ECEL1: variants seen among roughly 807,000 people sequenced by gnomAD.
ECEL1 encodes endothelin-converting enzyme-like 1.
ECEL1 carries 87 observed loss-of-function variants against 101.8 expected under a neutral mutation model. The ratio of observed to expected loss-of-function variants is 0.85; its 90% CI spans 0.72 to 1.02. The LOEUF is 1.02. ECEL1 is among the 50% of genes least tolerant of loss of function. ECEL1 has a pLI of 0.00. For synonymous variants in ECEL1, 487 were observed against 468.7 expected (o/e 1.04, Z -0.50); for missense variants, 1,032 against 1,079.2 (o/e 0.96, Z 0.61).
At chr2:232,480,901 C>T in intron 15 of ECEL1, 88 bp from the exon 16 acceptor site, 1 of 1,418,040 alleles carries the variant, frequency 7.1e-7, no homozygotes, top group Admixed American at 2.1e-5. Context: ...GCCCTCCCTG[C>T]TCTCCCTGTG....
At position 232,484,523 on chromosome 2, in the gene ECEL1, G is replaced by T. The variant is rs369255583; in HGVS notation, c.1133C>A (p.Ala378Glu). 1 of 1,613,920 alleles carries T rather than the reference G, an allele frequency of 6.2e-7. No individual in the cohort carries two copies. The highest frequency in any genetic ancestry group is 1.7e-5 in the Admixed American group (1 of 60,024). ...FSEEEEVVLL[A>E]TDYMQQVSQL... ...CGACACCTGCTGCATGTAGTCTGTC[G>T]CCAGCAGCACCACCTCCTCTTCCTC... The change falls in exon 6 of 18, where the codon GCG becomes GAG. Residue 378 changes from alanine to glutamate, a missense_variant. Physicochemically the swap from Ala to Glu is moderately radical, Grantham distance 107. Coordinates refer to ENST00000304546, the MANE Select transcript of ECEL1 (RefSeq NM_004826.4).
At position 232,481,427 on chromosome 2, in the gene ECEL1, G is replaced by A. The variant is rs749969915; in HGVS notation, c.1989+79C>T. ...ACAGGTTTTGTTTGGACATGTGCAC[G>A]TGCGCAAGGGTGTGCGTGATGCTCC... On this transcript the variant is annotated intron_variant, in intron 14 of 17. Coordinates refer to ENST00000304546, the MANE Select transcript of ECEL1 (RefSeq NM_004826.4). 3.6e-5 allele frequency: 55 copies of A among 1,532,828 alleles called. 1 individual carries two copies. The East Asian group carries it at 4.4e-4, about 12-fold the overall frequency. 95.0% of individuals were successfully genotyped at this position (1,532,828 alleles called of 1,614,324 possible).
rs200937309 is a variant in ECEL1 at position 232,483,218 on chromosome 2, G to C, written c.1507-39C>G. ...GCAGGTGAAGGTGGCACCAGGCCTCGGGAGACAGCCCCCCGCCCCCCACCC... is the reference window on the plus strand; with the variant it reads ...GCAGGTGAAGGTGGCACCAGGCCTCCGGAGACAGCCCCCCGCCCCCCACCC... On this transcript the variant is annotated intron_variant, in intron 8 of 17. Coordinates refer to ENST00000304546, the MANE Select transcript of ECEL1 (RefSeq NM_004826.4). The C allele has an allele frequency of 8.0e-5, 127 of 1,577,856 alleles. No individual in the cohort carries two copies. The African/African-American group carries it at 1.5e-3, about 18-fold the overall frequency.
At position 232,486,097 on chromosome 2, in the gene ECEL1, G is replaced by T; in HGVS notation, c.557C>A (p.Ser186Ter). The change falls in exon 2 of 18, where the codon TCG (serine) becomes TAG (stop). Residue 186 changes from serine to a stop codon, truncating the protein, a stop_gained. Coordinates refer to ENST00000304546, the MANE Select transcript of ECEL1 (RefSeq NM_004826.4). LOFTEE classifies it high-confidence loss of function. ...AQRKVRAFFR[S>*]CLDMREIERL... The stretch of plus-strand genomic sequence containing the variant: ...CTCGATCTCGCGCATGTCGAGGCAC[G>T]AGCGGAAGAAGGCGCGCACCTTGCG... 6.3e-7 allele frequency: 1 copy of T among 1,594,634 alleles called. No individual in the cohort carries two copies. Among genetic ancestry groups the T allele is most frequent in the East Asian group, 2.3e-5 (1 of 44,058 alleles).
intron 6 of ECEL1, 77 bp from the exon 7 acceptor site, chr2:232,484,300 C>A: frequency 6.4e-7 from 1 of 1,568,438 alleles, no homozygotes; most frequent in Non-Finnish European, 8.7e-7. Context: ...CCTACCTGTG[C>A]CCGCCAACCT....
chr2:232,480,600 G>C, intron 16 of ECEL1, 118 bp downstream of exon 16: 1 of 1,486,926 alleles, frequency 6.7e-7, no homozygotes. Flanking sequence ...ACCTCTGACG[G>C]GACAGGTGAT....
chr2:232,486,364 T>G lies in ECEL1; in HGVS notation c.290A>C (p.Glu97Ala), dbSNP rs761748447. ...GAAGGCCTTGCGCTCAGGGCAGCCC[T>G]CGGGACAGGCGCCGCCGCCGGCCGC... ...PVAAGGGACP[E>A]GCPERKAFAR... The change falls in exon 2 of 18, where the codon GAG (glutamate) becomes GCG (alanine). Residue 97 changes from glutamate (E) to alanine (A), a missense_variant. Coordinates refer to ENST00000304546, the MANE Select transcript of ECEL1 (RefSeq NM_004826.4). 6.6e-7 allele frequency: 1 copy of G among 1,509,476 alleles called. No homozygotes were observed. The highest frequency in any genetic ancestry group is 8.8e-7 in the Non-Finnish European group (1 of 1,139,158). The allele number at this position is 1,509,476 out of a possible 1,614,324, so 93.5% of individuals were successfully genotyped here.
intron 7 of ECEL1, 29 bp downstream of exon 7, chr2:232,483,972 T>A (rs1690652203): frequency 6.3e-7 from 1 of 1,581,838 alleles, no homozygotes; most frequent in African/African-American, 1.3e-5. Flanking sequence ...TTCAGCACCA[T>A]CCTCCTCTCT....
At position 232,480,059 on chromosome 2, in the gene ECEL1, G is replaced by A; in HGVS notation, c.*94C>T. On this transcript the variant is annotated 3_prime_UTR_variant, in exon 18 of 18. Transcript: ENST00000304546. The stretch of plus-strand genomic sequence containing the variant: ...GGGGCTGGAAGGCAGGTGGTGCCCA[G>A]AGCGGGGCTGGCACCGGGTGCATGC... 1 of 1,269,876 alleles carries A rather than the reference G, an allele frequency of 7.9e-7. No homozygotes were observed. The highest frequency in any genetic ancestry group is 1.1e-6 in the Non-Finnish European group (1 of 891,048). The allele number at this position is 1,269,876 out of a possible 1,614,324, so 78.7% of individuals were successfully genotyped here.
Position 232,486,231 on chromosome 2 carries a change from G to C in ECEL1, c.423C>G (p.Pro141=), listed in dbSNP as rs986362482. Reference sequence around the variant, plus strand: ...TGGTGCCATAGGTGAGCTTGTCGTCGGGGATGGCGTGGCGCCGCAGCCAAC... The same window carrying C: ...TGGTGCCATAGGTGAGCTTGTCGTCCGGGATGGCGTGGCGCCGCAGCCAAC... The part of the protein sequence containing the change: ...CGGWLRRHAI[P]DDKLTYGTIA... The change falls in exon 2 of 18, where the codon CCC becomes CCG. Residue 141 remains proline, a synonymous_variant. Transcript: ENST00000304546. 3.7e-6 allele frequency: 6 copies of C among 1,601,462 alleles called. No individual in the cohort carries two copies. Among genetic ancestry groups the C allele is most frequent in the Non-Finnish European group, 5.1e-6 (6 of 1,178,446 alleles).
intron 2 of ECEL1, among the ~76,000 whole-genome samples, chr2:232,485,582 AC>A (rs757691214): frequency 2.6e-5 from 4 of 152,152 alleles, no homozygotes; most frequent in African/African-American, 4.8e-5. Flanking sequence ...GGAGACGTCA[AC>A]CCAGCCCGCC....
Position 232,481,202 on chromosome 2 carries a change from G to T in ECEL1, c.1990-46C>A, listed in dbSNP as rs575711277. The T allele has an allele frequency of 1.2e-5, 18 of 1,545,306 alleles. No homozygotes were observed. In the African/African-American group the frequency reaches 2.1e-4, roughly 18 times the overall value. On this transcript the variant is annotated intron_variant, in intron 14 of 17. Coordinates refer to ENST00000304546, the MANE Select transcript of ECEL1 (RefSeq NM_004826.4). ...CAGGGGGCTGCTTGGGGCCCAGCTG[G>T]CCTCCCTCAGGCATTGATACCCTGG... is the stretch of plus-strand genomic sequence containing the variant.
chr2:232,483,274 C>A, intron 8 of ECEL1, 95 bp from the exon 9 acceptor site: 1 of 1,479,938 alleles, frequency 6.8e-7, no homozygotes, highest in South Asian at 1.2e-5. Context: ...ACTAGGCCAG[C>A]CTGGGAGTGG....
chr2:232,483,505 G>T lies in ECEL1; in HGVS notation c.1417C>A (p.Leu473Ile). 3 of 1,609,058 alleles carry T rather than the reference G, an allele frequency of 1.9e-6. No homozygotes were observed. The highest frequency in any genetic ancestry group is 2.5e-6 in the Non-Finnish European group (3 of 1,178,548). ...SAASKAKVQQ[L>I]VEDIKYILGQ... ...AGGATGTACTTGATGTCTTCCACTA[G>T]CTGCTGCACCTGCAGGGTCAGGGGT... Residue 473 changes from leucine (L) to isoleucine (I), a missense_variant, in exon 8 of 18, where the codon CTA becomes ATA. Coordinates refer to ENST00000304546, the MANE Select transcript of ECEL1 (RefSeq NM_004826.4).
Position 232,485,838 on chromosome 2 carries a change from G to A in ECEL1, c.786+30C>T, listed in dbSNP as rs113660447. On this transcript the variant is annotated intron_variant, in intron 2 of 17. Coordinates refer to ENST00000304546, the MANE Select transcript of ECEL1 (RefSeq NM_004826.4). Reference sequence around the variant, plus strand: ...GCCACTGCGCCCCGGATCCGCGGCCGCTGGCAGGGCGCTCAGGGGGCGCAC... The same window carrying A: ...GCCACTGCGCCCCGGATCCGCGGCCACTGGCAGGGCGCTCAGGGGGCGCAC... 0.15 allele frequency: 228,015 copies of A among 1,538,432 alleles called. 18,012 individuals are homozygous for A. The highest frequency in any genetic ancestry group is 0.22 in the Middle Eastern group (1,193 of 5,506).
chr2:232,480,550 C>A, intron 16 of ECEL1, 75 bp from the exon 17 acceptor site: 1 of 1,583,388 alleles, frequency 6.3e-7, no homozygotes, highest in Non-Finnish European at 8.6e-7. Flanking sequence ...CCCCACCCAG[C>A]ACACAAGGCG....
rs764061807 is a variant in ECEL1 at position 232,480,430 on chromosome 2, G to A, written c.2197C>T (p.Leu733=). 1.9e-6 allele frequency: 3 copies of A among 1,613,898 alleles called. No homozygotes were observed. The highest frequency in any genetic ancestry group is 2.5e-6 in the Non-Finnish European group (3 of 1,180,014). Residue 733 remains leucine, a synonymous_variant, in exon 17 of 18, where the codon CTG becomes TTG. Transcript: ENST00000304546. ...RRSQSIYLQV[L]TDKHAPEHYR... is the part of the protein sequence containing the mutation. Reference sequence around the variant, plus strand: ...TGCTCAGGGGCATGCTTGTCAGTCAGCACCTGCAGGTAGATGGACTGCGAC... The same window carrying A: ...TGCTCAGGGGCATGCTTGTCAGTCAACACCTGCAGGTAGATGGACTGCGAC...
At chr2:232,480,920 C>T (rs1036491522) in intron 15 of ECEL1, 107 bp from the exon 16 acceptor site, 3 of 1,340,326 alleles carry the variant, frequency 2.2e-6, no homozygotes, top group African/African-American at 2.9e-5. Context: ...TGAAGGGGGG[C>T]CCGTGAATCC....
chr2:232,482,994 C>A, intron 9 of ECEL1, 40 bp from the exon 10 acceptor site: 1 of 1,613,210 alleles, frequency 6.2e-7, no homozygotes, highest in Non-Finnish European at 8.5e-7. Context: ...CAGGCCAGGG[C>A]AGGGCTACCT....
Sources: gnomAD v4.1 joint callset for allele counts (sites outside exome capture counted in the v4.1 genomes callset) on GRCh38, gnomAD v4.1.1 for gene constraint, MANE v1.5 for transcripts, NCBI Gene and HGNC (gene_info 2026-07-23, HGNC 2026-07-21) for gene names.